Variants in LSAMP observed in about 807,000 individuals in gnomAD.
The protein encoded by LSAMP is limbic system associated membrane protein.
A neutral mutation model predicts 38.6 loss-of-function variants in LSAMP; 7 were observed. The ratio of observed to expected loss-of-function variants is 0.18; its 90% confidence interval spans 0.10 to 0.34. LSAMP has a LOEUF of 0.34. Ranked by LOEUF, LSAMP falls within the 10% of genes least tolerant of loss-of-function variation. The pLI is 1.00. For missense variants in LSAMP, 313 were observed against 420.0 expected (o/e 0.75, Z 2.23); for synonymous variants, 154 against 166.8 (o/e 0.92, Z 0.59).
chr3:116,191,501 C>T (rs751585998), intron 1 of LSAMP, among the ~76,000 whole-genome samples: 1 of 152,006 alleles, frequency 6.6e-6, no homozygotes, highest in Non-Finnish European at 1.5e-5. Flanking sequence ...GACTCTGCAG[C>T]CCAGGAAGGT....
chr3:116,153,846 A>G (rs974712708), intron 1 of LSAMP, among the ~76,000 whole-genome samples: 6 of 152,078 alleles, frequency 3.9e-5, no homozygotes, highest in African/African-American at 1.2e-4. Context: ...GTAGAAAAAG[A>G]TAAGTTTTAT....
chr3:116,367,629 C>G (rs1034800941), intron 1 of LSAMP, among the ~76,000 whole-genome samples: 3 of 151,756 alleles, frequency 2.0e-5, no homozygotes, highest in Middle Eastern at 3.4e-3. Context: ...CTCAGGCTCC[C>G]GAGTAGCTGG....
At chr3:116,412,077 T>C (rs960718124) in intron 1 of LSAMP, among the ~76,000 whole-genome samples, 1 of 152,084 alleles carries the variant, frequency 6.6e-6, no homozygotes, top group South Asian at 2.1e-4. Context: ...TAGTCCATTA[T>C]ATCAAGAGAA....
rs549365072 is a variant in LSAMP at position 116,096,463 on chromosome 3, T to C, written c.156-9907A>G. 2.7e-4 allele frequency among the ~76,000 whole-genome samples: 41 copies of C among 152,326 alleles called. No individual in the cohort carries two copies. In the South Asian group the frequency reaches 3.7e-3, roughly 14 times the overall value. On this transcript the variant is annotated intron_variant, in intron 1 of 6. Transcript: ENST00000490035. ...TGCATCTGATAGCCCCTTGGTCCCC[T>C]CTGGTTAGCAATTGGCCTCTTCTAG...
chr3:116,123,355 C>T (rs1708929895), intron 1 of LSAMP, among the ~76,000 whole-genome samples: 1 of 152,180 alleles, frequency 6.6e-6, no homozygotes, highest in Non-Finnish European at 1.5e-5. Context: ...TACAGTTTAT[C>T]CTCTGCATAT....
At chr3:116,039,043 C>T (rs1461845622) in intron 2 of LSAMP, among the ~76,000 whole-genome samples, 2 of 152,060 alleles carry the variant, frequency 1.3e-5, no homozygotes, top group Non-Finnish European at 2.9e-5. Context: ...TTTGCAATAG[C>T]CTATATTTAA....
At position 116,016,503 on chromosome 3, in the gene LSAMP, C is replaced by T. The variant is rs1045891279; in HGVS notation, c.514+3012G>A. The stretch of plus-strand genomic sequence containing the variant: ...CTGAAGGAGCTTGGTGGGGGATATC[C>T]CCAAAGCCCTACTTGGCCATGGATG... On this transcript the variant is annotated intron_variant, in intron 3 of 6. Transcript: ENST00000490035. Among the ~76,000 whole-genome samples the T allele has an allele frequency of 5.9e-5, 9 of 152,108 alleles. 1 individual carries two copies. The highest frequency in any genetic ancestry group is 1.2e-4 in the Non-Finnish European group (8 of 68,026).
intron 1 of LSAMP, among the ~76,000 whole-genome samples, chr3:116,296,730 C>G (rs1479944388): frequency 7.2e-6 from 1 of 138,934 alleles, no homozygotes; most frequent in African/African-American, 2.7e-5. Context: ...AAAAGAAACC[C>G]ATAAAGGTCT....
intron 3 of LSAMP, among the ~76,000 whole-genome samples, chr3:115,855,299 A>G (rs1256587554): frequency 2.0e-5 from 3 of 152,212 alleles, no homozygotes; most frequent in Non-Finnish European, 4.4e-5. Flanking sequence ...ATAAAACAAT[A>G]TTTATTGTGT....
At chr3:116,036,194 A>G (rs1239687039) in intron 2 of LSAMP, among the ~76,000 whole-genome samples, 2 of 152,208 alleles carry the variant, frequency 1.3e-5, no homozygotes, top group Non-Finnish European at 2.9e-5. Context: ...TTAGGAGTGT[A>G]TGGGTCTGAA....
intron 1 of LSAMP, among the ~76,000 whole-genome samples, chr3:116,197,129 G>GCACACACACACACACACACACACA (rs754460699): frequency 2.4e-5 from 1 of 42,380 alleles, no homozygotes; most frequent in African/African-American, 7.0e-5. Context: ...TATCCCACTC[G>GCACACACACACACACACACACACA]GACACACACA....
At chr3:116,375,683 T>C (rs1159516555) in intron 1 of LSAMP, among the ~76,000 whole-genome samples, 1 of 151,936 alleles carries the variant, frequency 6.6e-6, no homozygotes. Context: ...ATCTATAAGA[T>C]ATTGTATTAA....
At chr3:115,838,365 G>A (rs1934865790) in intron 6 of LSAMP, among the ~76,000 whole-genome samples, 1 of 152,178 alleles carries the variant, frequency 6.6e-6, no homozygotes, top group Non-Finnish European at 1.5e-5. Context: ...ACCTTTGTGG[G>A]TGAATTTTAG....
intron 3 of LSAMP, among the ~76,000 whole-genome samples, chr3:115,979,355 A>G (rs1939290074): frequency 6.6e-6 from 1 of 152,148 alleles, no homozygotes; most frequent in Non-Finnish European, 1.5e-5. Flanking sequence ...GTTTATATGG[A>G]AGGACGTGAG....
At chr3:116,280,551 G>A (rs937512939) in intron 1 of LSAMP, among the ~76,000 whole-genome samples, 1 of 152,234 alleles carries the variant, frequency 6.6e-6, no homozygotes, top group Admixed American at 6.5e-5. Flanking sequence ...TTTCTATGGT[G>A]CTGGCCAGGG....
chr3:116,021,773 A>T lies in LSAMP; in HGVS notation c.389-2133T>A, dbSNP rs1463212250. On this transcript the variant is annotated intron_variant, in intron 2 of 6. Coordinates refer to ENST00000490035, the MANE Select transcript of LSAMP (RefSeq NM_002338.5). ...AACTAAAAAAAAATCCCAGAGAATT[A>T]CTACCTGTGGTGCAATTGACTCACA... is the stretch of plus-strand genomic sequence containing the variant. 3.9e-5 allele frequency among the ~76,000 whole-genome samples: 6 copies of T among 152,156 alleles called. No individual in the cohort carries two copies. In the South Asian group the frequency reaches 6.2e-4, roughly 16 times the overall value.
chr3:115,974,800 G>A (rs566543871), intron 3 of LSAMP, among the ~76,000 whole-genome samples: 6 of 152,188 alleles, frequency 3.9e-5, no homozygotes, highest in African/African-American at 2.4e-5. Flanking sequence ...GCTGGATTCT[G>A]TTTAGCCCTT....
intron 3 of LSAMP, among the ~76,000 whole-genome samples, chr3:115,941,170 C>T (rs552119287): frequency 5.3e-5 from 8 of 152,106 alleles, no homozygotes; most frequent in African/African-American, 1.9e-4. Context: ...ATGTGGTCAA[C>T]AGGTATATGA....
intron 1 of LSAMP, among the ~76,000 whole-genome samples, chr3:116,156,757 G>A (rs550275595): frequency 6.6e-6 from 1 of 152,080 alleles, no homozygotes; most frequent in East Asian, 1.9e-4. Context: ...GAAATGAAAT[G>A]GTTTACAAAA....
Sources: allele counts gnomAD v4.1 joint callset (sites outside exome capture counted in the v4.1 genomes callset), GRCh38; gene constraint gnomAD v4.1.1; transcripts MANE v1.5; gene names NCBI Gene and HGNC (gene_info 2026-07-23, HGNC 2026-07-21).